Variants in MAGI2 observed in about 807,000 individuals in gnomAD.
MAGI2 encodes the protein membrane associated guanylate kinase, WW and PDZ domain containing 2.
Under a neutral mutation model 133.3 loss-of-function variants are expected in MAGI2, and 35 were observed. The observed-to-expected ratio is 0.26, with a 90% CI of 0.20 to 0.35. The LOEUF is 0.35. MAGI2 is among the 10% of genes least tolerant of loss of function. MAGI2 has a pLI of 1.00. For synonymous variants in MAGI2, 729 were observed against 710.6 expected, an observed-to-expected ratio of 1.03 and a Z score of -0.41; for missense variants, 1,636 against 1,863.4, an observed-to-expected ratio of 0.88 and a Z score of 2.25.
chr7:78,076,628 T>G (rs993716573), intron 21 of MAGI2, among the ~76,000 whole-genome samples: 6 of 149,788 alleles, frequency 4.0e-5, no homozygotes, highest in African/African-American at 1.5e-4. Context: ...GGGTGGATCA[T>G]GAGGTCAGGA....
intron 1 of MAGI2, among the ~76,000 whole-genome samples, chr7:79,437,953 C>A (rs1399308624): frequency 6.6e-6 from 1 of 151,936 alleles, no homozygotes; most frequent in Non-Finnish European, 1.5e-5. Flanking sequence ...GATGTATGTC[C>A]TCCTCTTCCC....
intron 1 of MAGI2, among the ~76,000 whole-genome samples, chr7:79,315,390 GTCTTGAAC>G (rs1838640578): frequency 6.8e-6 from 1 of 147,116 alleles, no homozygotes; most frequent in Admixed American, 6.9e-5. Flanking sequence ...GGCCAGGTTG[GTCTTGAAC>G]TCCTGACCTC....
chr7:79,247,745 G>T (rs539790783), intron 1 of MAGI2, among the ~76,000 whole-genome samples: 449 of 152,174 alleles, frequency 3.0e-3, no homozygotes, highest in African/African-American at 0.01. Context: ...GTTTTTATTA[G>T]TTTTCTCTTT....
intron 1 of MAGI2, among the ~76,000 whole-genome samples, chr7:79,251,058 C>T (rs992452963): frequency 1.3e-5 from 2 of 152,104 alleles, no homozygotes; most frequent in African/African-American, 4.8e-5. Flanking sequence ...AAACTAGACC[C>T]TTACATCTTG....
At chr7:79,380,685 C>G (rs905640067) in intron 1 of MAGI2, among the ~76,000 whole-genome samples, 1 of 151,706 alleles carries the variant, frequency 6.6e-6, no homozygotes, top group Non-Finnish European at 1.5e-5. Context: ...TAAAAATCCA[C>G]TACAATTTTA....
Position 78,501,690 on chromosome 7 carries a change from C to G in MAGI2, c.852G>C (p.Lys284Asn). The change falls in exon 5 of 22, where the codon AAG becomes AAC. Residue 284 changes from lysine to asparagine, a missense_variant. Physicochemically the swap from Lys to Asn is moderately conservative, Grantham distance 94 (BLOSUM62 0). This residue lies in a region of MAGI2 where 165 missense variants were observed against 128.4 expected (regional missense o/e 1.28). Transcript: ENST00000354212. ...TTGGCTTTGTGTCATCCATCTGCTCCTTCAGCTCCTCAGGCTGACTGTACA... is the reference window on the plus strand; with the variant it reads ...TTGGCTTTGTGTCATCCATCTGCTCGTTCAGCTCCTCAGGCTGACTGTACA... ...APVYSQPEEL[K>N]EQMDDTKPTK... 2 of 1,614,102 alleles carry G rather than the reference C, an allele frequency of 1.2e-6. No individual in the cohort carries two copies. The highest frequency in any genetic ancestry group is 1.1e-5 in the South Asian group (1 of 91,076).
At chr7:78,807,613 A>G (rs1788692957) in intron 2 of MAGI2, among the ~76,000 whole-genome samples, 1 of 152,202 alleles carries the variant, frequency 6.6e-6, no homozygotes, top group Non-Finnish European at 1.5e-5. Flanking sequence ...GGAGTTGAGT[A>G]GTAAAAAGCC....
intron 2 of MAGI2, among the ~76,000 whole-genome samples, chr7:78,837,257 T>C (rs112036190): frequency 3.0e-4 from 45 of 152,264 alleles, no homozygotes; most frequent in African/African-American, 1.1e-3. Flanking sequence ...TTTTGTACAT[T>C]GATTCTAGTT....
At chr7:78,981,683 T>C (rs1804799846) in intron 2 of MAGI2, among the ~76,000 whole-genome samples, 1 of 151,922 alleles carries the variant, frequency 6.6e-6, no homozygotes, top group African/African-American at 2.4e-5. Context: ...AAGAAAATTT[T>C]TCTTTTTCCC....
At chr7:78,428,866 C>A (rs1799527650) in intron 6 of MAGI2, among the ~76,000 whole-genome samples, 1 of 152,182 alleles carries the variant, frequency 6.6e-6, no homozygotes, top group Non-Finnish European at 1.5e-5. Context: ...GTGATTCAAG[C>A]TTCAGAGACA....
chr7:78,753,590 A>G (rs1823659978), intron 2 of MAGI2, among the ~76,000 whole-genome samples: 2 of 152,106 alleles, frequency 1.3e-5, no homozygotes, highest in African/African-American at 4.8e-5. Flanking sequence ...AGAGACATAC[A>G]TTTACAGGTT....
intron 21 of MAGI2, 55 bp downstream of exon 21, chr7:78,078,892 C>T: frequency 6.3e-7 from 1 of 1,595,260 alleles, no homozygotes; most frequent in Non-Finnish European, 8.6e-7. Flanking sequence ...TAACCATAAG[C>T]ATTTATGGTT....
chr7:78,124,577 A>T (rs945921628), intron 20 of MAGI2, among the ~76,000 whole-genome samples: 1 of 152,192 alleles, frequency 6.6e-6, no homozygotes, highest in Non-Finnish European at 1.5e-5. Flanking sequence ...GAGGCTCTGC[A>T]CAAGAACCTG....
At chr7:78,922,052 C>T (rs1019540495) in intron 2 of MAGI2, among the ~76,000 whole-genome samples, 3 of 152,012 alleles carry the variant, frequency 2.0e-5, no homozygotes, top group Non-Finnish European at 4.4e-5. Flanking sequence ...CTGAGATTAT[C>T]ACCAAGAAAA....
chr7:78,535,882 C>T (rs1014981260), intron 3 of MAGI2, among the ~76,000 whole-genome samples: 2 of 145,548 alleles, frequency 1.4e-5, no homozygotes, highest in African/African-American at 2.6e-5. Context: ...ACCCCCCCCG[C>T]CCACCGCCTC....
intron 21 of MAGI2, among the ~76,000 whole-genome samples, chr7:78,046,886 T>C (rs1050472701): frequency 6.6e-6 from 1 of 152,232 alleles, no homozygotes; most frequent in Non-Finnish European, 1.5e-5. Flanking sequence ...TAAAATGTTC[T>C]TCCCTAATGA....
intron 20 of MAGI2, among the ~76,000 whole-genome samples, chr7:78,103,348 G>C (rs955093516): frequency 3.3e-5 from 5 of 152,110 alleles, no homozygotes; most frequent in Non-Finnish European, 7.4e-5. Flanking sequence ...CTGAGTTATT[G>C]ATCTATACAG....
At chr7:78,208,230 T>A (rs1463086882) in intron 10 of MAGI2, among the ~76,000 whole-genome samples, 2 of 152,016 alleles carry the variant, frequency 1.3e-5, no homozygotes, top group African/African-American at 2.4e-5. Flanking sequence ...AAAAGTGTTT[T>A]TCTTAGAAAC....
chr7:79,296,155 T>C (rs1427862640), intron 1 of MAGI2, among the ~76,000 whole-genome samples: 2 of 152,214 alleles, frequency 1.3e-5, no homozygotes. Context: ...GCTCCACTCT[T>C]GTCTCTGTAG....
Sources: allele counts gnomAD v4.1 joint callset (sites outside exome capture counted in the v4.1 genomes callset), GRCh38; gene constraint gnomAD v4.1.1; regional missense constraint gnomAD v4.1.1; transcripts MANE v1.5; gene names NCBI Gene and HGNC (gene_info 2026-07-23, HGNC 2026-07-21).